Variants in ERI3 observed in about 807,000 individuals in gnomAD.
ERI3 encodes the protein ERI1 exoribonuclease family member 3.
ERI3 carries 18 observed loss-of-function variants against 44.4 expected under a neutral mutation model. The observed-to-expected ratio is 0.41, with a 90% CI of 0.28 to 0.60. The LOEUF (loss-of-function observed/expected upper bound fraction) is 0.60. Among genes scored for constraint, ERI3 ranks in the 20% least tolerant of loss-of-function variants. The pLI is 0.36. For synonymous variants in ERI3, 183 were observed against 164.8 expected (o/e 1.11, Z -0.84); for missense variants, 294 against 435.5 (o/e 0.68, Z 2.89).
chr1:44,333,503 T>C (rs1394894613), intron 3 of ERI3, among the ~76,000 whole-genome samples: 1 of 152,104 alleles, frequency 6.6e-6, no homozygotes, highest in African/African-American at 2.4e-5. Context: ...TCCAGGGAAT[T>C]GCTTTTCTGT....
At position 44,341,890 on chromosome 1, in the gene ERI3, AAAAACAAAAC is replaced by A. The variant is rs371317809; in HGVS notation, c.212-2578_212-2569del. ...GGGTGACAGAGCAAGACCATAATTCAAAAACAAAACAAAACAAAACAAAACAAAAAAACTT... is the reference window on the plus strand; with the variant it reads ...GGGTGACAGAGCAAGACCATAATTCAAAAACAAAACAAAACAAAAAAACTT... On this transcript the variant is annotated intron_variant, in intron 2 of 8. Coordinates refer to ENST00000372257, the MANE Select transcript of ERI3 (RefSeq NM_024066.3). 3.2e-4 allele frequency among the ~76,000 whole-genome samples: 49 copies of A among 152,242 alleles called. No individual in the cohort carries two copies. In the South Asian group the frequency reaches 6.0e-3, roughly 19 times the overall value.
chr1:44,282,017 A>G (rs1472944257), intron 7 of ERI3, among the ~76,000 whole-genome samples: 1 of 151,866 alleles, frequency 6.6e-6, no homozygotes, highest in East Asian at 1.9e-4. Context: ...TGACAGCTCA[A>G]TAAGAATATA....
chr1:44,270,839 C>T (rs1645075367), intron 7 of ERI3, among the ~76,000 whole-genome samples: 1 of 151,422 alleles, frequency 6.6e-6, no homozygotes, highest in African/African-American at 2.4e-5. Context: ...CCCTGTGTGG[C>T]CACACCCACC....
intron 8 of ERI3, chr1:44,243,517 G>A (rs560908737): frequency 2.6e-5 from 4 of 152,328 alleles, no homozygotes; most frequent in Admixed American, 6.5e-5. Context: ...TAGGGCCCAA[G>A]TGTGTGTTTT....
intron 6 of ERI3, among the ~76,000 whole-genome samples, chr1:44,289,572 G>A (rs1645461490): frequency 2.0e-5 from 3 of 152,204 alleles, no homozygotes; most frequent in Admixed American, 2.0e-4. Context: ...GGAAACAGGG[G>A]TGTAAGAAAC....
At chr1:44,222,217 C>T (rs981909799) in intron 8 of ERI3, among the ~76,000 whole-genome samples, 22 of 152,378 alleles carry the variant, frequency 1.4e-4, no homozygotes, top group African/African-American at 5.3e-4. Context: ...AACACACCTG[C>T]CCTGTGTCCT....
At chr1:44,311,982 A>C (rs878953465) in intron 5 of ERI3, among the ~76,000 whole-genome samples, 1 of 151,962 alleles carries the variant, frequency 6.6e-6, no homozygotes, top group Non-Finnish European at 1.5e-5. Context: ...CAGGTGCCCA[A>C]ACTCTGACTC....
At chr1:44,266,165 T>C (rs780505730) in intron 7 of ERI3, among the ~76,000 whole-genome samples, 5 of 152,170 alleles carry the variant, frequency 3.3e-5, no homozygotes, top group African/African-American at 9.7e-5. Context: ...GCACTTGATA[T>C]AGGCACTTGA....
intron 3 of ERI3, among the ~76,000 whole-genome samples, chr1:44,324,198 T>G (rs1381381791): frequency 6.6e-6 from 1 of 152,182 alleles, no homozygotes; most frequent in Non-Finnish European, 1.5e-5. Context: ...GGCTGCTAAG[T>G]GGAGGAGACA....
chr1:44,306,007 C>T (rs1380727575), intron 6 of ERI3, among the ~76,000 whole-genome samples: 2 of 152,178 alleles, frequency 1.3e-5, no homozygotes, highest in South Asian at 2.1e-4. Flanking sequence ...GAGCCTCTGC[C>T]GAGGTTCCAG....
chr1:44,285,408 CAAGAT>C (rs1645373576), intron 6 of ERI3, among the ~76,000 whole-genome samples: 1 of 152,030 alleles, frequency 6.6e-6, no homozygotes, highest in Admixed American at 6.6e-5. Context: ...GGCAGACAGA[CAAGAT>C]AGGAGGAGAG....
In ERI3 at chr1:44,287,334, G is replaced by C. The variant is rs56071507; in HGVS notation, c.759-2427C>G. Among the ~76,000 whole-genome samples the C allele has an allele frequency of 5.8e-4, 89 of 152,376 alleles. 1 individual carries two copies. Among genetic ancestry groups the C allele is most frequent in the Admixed American group, 1.3e-3 (20 of 15,308 alleles). On this transcript the variant is annotated intron_variant, in intron 6 of 8. Transcript: ENST00000372257. The stretch of plus-strand genomic sequence containing the variant: ...TAGAAAGTTTGGCTACAAGAATCCA[G>C]TTGAGATGACTGATTCCACTCCAGA...
chr1:44,281,776 T>C (rs1645292525), intron 7 of ERI3, among the ~76,000 whole-genome samples: 1 of 151,926 alleles, frequency 6.6e-6, no homozygotes, highest in South Asian at 2.1e-4. Context: ...TATGTGCATA[T>C]ACATGAAGGC....
At chr1:44,339,001 C>T (rs1646591693) in intron 3 of ERI3, 44 bp downstream of exon 3, 3 of 1,596,724 alleles carry the variant, frequency 1.9e-6, no homozygotes, top group East Asian at 4.5e-5. Flanking sequence ...CTCCCTCCCT[C>T]CTTGCCCCCC....
chr1:44,246,031 T>C (rs913415270), intron 8 of ERI3, among the ~76,000 whole-genome samples: 6 of 152,230 alleles, frequency 3.9e-5, no homozygotes, highest in Non-Finnish European at 8.8e-5. Flanking sequence ...AACTGCCTCA[T>C]TGATTCTGAA....
chr1:44,238,029 C>T (rs1005605149), intron 8 of ERI3, among the ~76,000 whole-genome samples: 3 of 152,170 alleles, frequency 2.0e-5, no homozygotes, highest in African/African-American at 7.2e-5. Flanking sequence ...AATACCTCCT[C>T]GGCCCTACGC....
chr1:44,270,486 A>G (rs1645068571), intron 7 of ERI3, among the ~76,000 whole-genome samples: 1 of 152,184 alleles, frequency 6.6e-6, no homozygotes, highest in African/African-American at 2.4e-5. Flanking sequence ...GTGTTGGAGT[A>G]CACACTCAAT....
At chr1:44,284,201 T>A in intron 7 of ERI3, 1 of 385,374 alleles carries the variant, frequency 2.6e-6, no homozygotes, top group Non-Finnish European at 5.2e-6. Flanking sequence ...CTGCCAGGGC[T>A]CACTATCGTA....
At chr1:44,326,009 C>T (rs1389718981) in intron 3 of ERI3, among the ~76,000 whole-genome samples, 2 of 152,154 alleles carry the variant, frequency 1.3e-5, no homozygotes, top group African/African-American at 4.8e-5. Context: ...TCTCCTCTGC[C>T]TGAGCTGATG....
Sources: gnomAD v4.1 joint callset for allele counts (sites outside exome capture counted in the v4.1 genomes callset) on GRCh38, gnomAD v4.1.1 for gene constraint, MANE v1.5 for transcripts, NCBI Gene and HGNC (gene_info 2026-07-23, HGNC 2026-07-21) for gene names.